The following C4orf51 variants were observed in gnomAD, a reference collection of about 807,000 sequenced individuals.
The protein encoded by C4orf51 is chromosome 4 open reading frame 51.
A neutral mutation model predicts 25.2 loss-of-function variants in C4orf51; 25 were observed. The ratio of observed to expected loss-of-function variants is 0.99; its 90% confidence interval spans 0.72 to 1.39. The LOEUF (loss-of-function observed/expected upper bound fraction) is 1.39. Ranked by LOEUF, C4orf51 falls within the 40% of genes most tolerant of loss-of-function variation. C4orf51 has a pLI of 0.00. For missense variants in C4orf51, 252 were observed against 239.6 expected (o/e 1.05, Z -0.34); for synonymous variants, 100 against 84.5 (o/e 1.18, Z -1.01).
At chr4:145,782,336 C>T in the C4orf51 span, among the ~76,000 whole-genome samples, 1 of 152,144 alleles carries the variant, frequency 6.6e-6, no homozygotes, top group African/African-American at 2.4e-5. Flanking sequence ...GAAGCAAAGG[C>T]CCGTTCTTTT....
intron 2 of C4orf51, among the ~76,000 whole-genome samples, chr4:145,717,650 A>G (rs1305101662): frequency 1.3e-5 from 2 of 152,216 alleles, no homozygotes; most frequent in African/African-American, 2.4e-5. Flanking sequence ...GAAAAATTGC[A>G]TGGGCTGTTC....
chr4:145,746,460 T>C (rs1733377563), intron 1 of C4orf51, among the ~76,000 whole-genome samples: 1 of 152,186 alleles, frequency 6.6e-6, no homozygotes. Context: ...GTGCCATTTA[T>C]TGTAGAGACC....
the C4orf51 span, among the ~76,000 whole-genome samples, chr4:145,781,171 G>A: frequency 2.7e-5 from 3 of 113,094 alleles, no homozygotes; most frequent in African/African-American, 3.5e-5. Flanking sequence ...ACTCCAGCCC[G>A]GGCAACAGAA....
intron 2 of C4orf51, among the ~76,000 whole-genome samples, chr4:145,706,959 C>A (rs1178513644): frequency 6.6e-6 from 1 of 151,978 alleles, no homozygotes; most frequent in East Asian, 1.9e-4. Context: ...TTACAGGTGC[C>A]CACGACCACG....
chr4:145,727,074 A>G (rs1732104091), intron 3 of C4orf51, 105 bp downstream of exon 3: 1 of 853,320 alleles, frequency 1.2e-6, no homozygotes, highest in East Asian at 2.5e-5. Flanking sequence ...TTTTTAAAAA[A>G]CAATATTCAC....
intron 1 of C4orf51, among the ~76,000 whole-genome samples, chr4:145,692,663 T>C (rs1049497578): frequency 6.6e-5 from 10 of 152,210 alleles, no homozygotes; most frequent in Non-Finnish European, 1.2e-4. Context: ...TAGGGCTCGT[T>C]AGGCTGATAT....
rs550017398 is a variant in C4orf51 at position 145,681,932 on chromosome 4, A to G, written c.233+1496A>G. On this transcript the variant is annotated intron_variant, in intron 1 of 5. Transcript: ENST00000438731. ...AACTTTTGAGTGACACACTCAAACCATAACAGGAGTCTTTAAGCACTGCTG... is the reference window on the plus strand; with the variant it reads ...AACTTTTGAGTGACACACTCAAACCGTAACAGGAGTCTTTAAGCACTGCTG... Among the ~76,000 whole-genome samples, 35 of 152,340 alleles carry G rather than the reference A, an allele frequency of 2.3e-4. No individual in the cohort carries two copies. In the South Asian group the frequency reaches 3.1e-3, roughly 14 times the overall value.
the C4orf51 span, among the ~76,000 whole-genome samples, chr4:145,788,087 A>G: frequency 6.6e-6 from 1 of 152,202 alleles, no homozygotes; most frequent in Non-Finnish European, 1.5e-5. Context: ...TGCTCCTCTA[A>G]GCCATATGAA....
At chr4:145,768,969 G>C (rs1234934425) in intron 1 of C4orf51, among the ~76,000 whole-genome samples, 9 of 133,082 alleles carry the variant, frequency 6.8e-5, no homozygotes, top group African/African-American at 2.5e-4. Context: ...CATCTAGAGT[G>C]TAAAATTATT....
chr4:145,740,278 AAATAAAAAAAAGTG>A (rs1405753434), intron 1 of C4orf51, among the ~76,000 whole-genome samples: 3 of 147,074 alleles, frequency 2.0e-5, no homozygotes, highest in Non-Finnish European at 3.0e-5. Context: ...AAAAGACAAA[AAATAAAAAAAAGTG>A]ACAATGTGAG....
chr4:145,724,905 A>AAAGAAAAG lies in C4orf51; in HGVS notation c.308-1996_308-1989dup, dbSNP rs1490124077. On this transcript the variant is annotated intron_variant, in intron 2 of 5. Coordinates refer to ENST00000438731, the MANE Select transcript of C4orf51 (RefSeq NM_001080531.3). ...CAAAAAAAAAAAAAAAAAAAAAAAG[A>AAAGAAAAG]AAGAAAAGAAGAAAAGAGTTAAGTG... is the stretch of plus-strand genomic sequence containing the variant. Among the ~76,000 whole-genome samples, 3 of 146,868 alleles carry AAAGAAAAG rather than the reference A, an allele frequency of 2.0e-5. No individual in the cohort carries two copies. In the East Asian group the frequency reaches 5.9e-4, roughly 29 times the overall value.
intron 4 of C4orf51, 82 bp from the exon 5 acceptor site, chr4:145,729,810 G>C (rs1732358699): frequency 8.5e-7 from 1 of 1,171,654 alleles, no homozygotes; most frequent in Non-Finnish European, 1.3e-6. Context: ...TTAAAACAAG[G>C]TTTGGGAATG....
At chr4:145,779,732 G>GT in the C4orf51 span, among the ~76,000 whole-genome samples, 1 of 152,220 alleles carries the variant, frequency 6.6e-6, no homozygotes, top group African/African-American at 2.4e-5. Flanking sequence ...CAATTCTTCA[G>GT]TATTTTCTCT....
the C4orf51 span, among the ~76,000 whole-genome samples, chr4:145,788,266 T>G: frequency 6.6e-6 from 1 of 152,208 alleles, no homozygotes; most frequent in Admixed American, 6.5e-5. Context: ...GCAGGTCATA[T>G]TAAATCAATA....
chr4:145,776,460 C>CA, the C4orf51 span, among the ~76,000 whole-genome samples: 123 of 124,958 alleles, frequency 9.8e-4, no homozygotes, highest in African/African-American at 3.5e-3. Flanking sequence ...AACCTTGTTT[C>CA]AAAAAAAAGA....
intron 2 of C4orf51, among the ~76,000 whole-genome samples, chr4:145,704,973 C>T (rs866471844): frequency 5.3e-5 from 8 of 152,224 alleles, no homozygotes; most frequent in African/African-American, 1.9e-4. Flanking sequence ...TGACCTTTGG[C>T]TTAGGGTTCA....
At chr4:145,685,532 A>G (rs1729099080) in intron 1 of C4orf51, among the ~76,000 whole-genome samples, 1 of 152,160 alleles carries the variant, frequency 6.6e-6, no homozygotes, top group Non-Finnish European at 1.5e-5. Flanking sequence ...TGCTCAATTG[A>G]GCAAGCAGCG....
At position 145,763,004 on chromosome 4, in the gene C4orf51, C is replaced by T. The variant is rs1734769404; in HGVS notation, n.167-7984C>T. ...CTCGCCGTTAGCCTTTGAACCTCAG[C>T]TCACAGAAGAGTGCACACGAGAGAA... On this transcript the variant is annotated intron_variant and non_coding_transcript_variant, in intron 1 of 1. Transcript: ENST00000510096. This position sits in a 1 kb window ranked among gnomAD's most constrained non-coding sequence, Gnocchi z 4.6. 7 of 1,320,222 alleles carry T rather than the reference C, an allele frequency of 5.3e-6. No homozygotes were observed. The Admixed American group carries it at 1.3e-4, about 25-fold the overall frequency. The allele number at this position is 1,320,222 out of a possible 1,614,324, so 81.8% of individuals were successfully genotyped here. A position where few individuals can be genotyped will look rare whatever the true frequency, so the allele number is the denominator to read the frequency against.
intron 2 of C4orf51, among the ~76,000 whole-genome samples, chr4:145,697,377 C>T (rs1422375044): frequency 2.0e-5 from 3 of 152,056 alleles, no homozygotes; most frequent in Admixed American, 2.0e-4. Context: ...GGATTACAAG[C>T]GTAAGCCACC....
Sources: allele counts gnomAD v4.1 joint callset (sites outside exome capture counted in the v4.1 genomes callset), GRCh38; gene constraint gnomAD v4.1.1; non-coding constraint Gnocchi (gnomAD v3.1); transcripts MANE v1.5; gene names NCBI Gene and HGNC (gene_info 2026-07-23, HGNC 2026-07-21).